ATP2C2: variants seen among roughly 807,000 people sequenced by gnomAD.
ATP2C2 encodes calcium-transporting ATPase type 2C member 2.
Under a neutral mutation model 110.8 loss-of-function variants are expected in ATP2C2, and 171 were observed. The ratio of observed to expected loss-of-function variants is 1.54; its 90% CI spans 1.36 to 1.75. ATP2C2 has a LOEUF of 1.75. Among genes scored for constraint, ATP2C2 ranks in the 40% most tolerant of loss-of-function variants. ATP2C2 has a pLI of 0.00. For synonymous variants in ATP2C2, 804 were observed against 508.4 expected, an observed-to-expected ratio of 1.58 and a Z score of -7.82; for missense variants, 1,963 against 1,235.0, an observed-to-expected ratio of 1.59 and a Z score of -8.84.
chr16:84,382,894 TAA>T (rs1170344466), intron 1 of ATP2C2, among the ~76,000 whole-genome samples: 40 of 91,740 alleles, frequency 4.4e-4, no homozygotes, highest in African/African-American at 1.1e-3. Context: ...AGACTCCATC[TAA>T]AAAAAAAAAA....
rs1910659110 is a variant in ATP2C2 at position 84,455,001 on chromosome 16, GTTGT to G, written c.2147+20_2147+23del. On this transcript the variant is annotated intron_variant, in intron 21 of 26. Coordinates refer to ENST00000262429, the MANE Select transcript of ATP2C2 (RefSeq NM_014861.4). ...AGCCATCATGTAAGCTGCCCTTCTG[GTTGT>G]TTTTCAGTTGCAAAAATGCCTGGGG... The G allele has an allele frequency of 6.2e-7, 1 of 1,608,920 alleles. No homozygotes were observed. Among genetic ancestry groups the G allele is most frequent in the Non-Finnish European group, 8.5e-7 (1 of 1,177,724 alleles).
chr16:84,454,779 C>A, intron 20 of ATP2C2, 39 bp from the exon 21 acceptor site: 2 of 1,532,610 alleles, frequency 1.3e-6, no homozygotes, highest in South Asian at 2.5e-5. Context: ...GGGAGGTGGT[C>A]GTCAGGCTGC....
chr16:84,458,704 C>T (rs1424360230), intron 21 of ATP2C2, among the ~76,000 whole-genome samples: 1 of 152,230 alleles, frequency 6.6e-6, no homozygotes, highest in Non-Finnish European at 1.5e-5. Context: ...CCCCATCCCT[C>T]CCTCCTTACC....
chr16:84,439,024 T>C (rs764072816), intron 11 of ATP2C2, 142 bp from the exon 12 acceptor site: 6 of 1,283,500 alleles, frequency 4.7e-6, no homozygotes, highest in Non-Finnish European at 6.4e-6. Flanking sequence ...AGGTGCACCT[T>C]AGGATTGGGA....
At position 84,425,868 on chromosome 16, in the gene ATP2C2, G is replaced by A. The variant is rs368633581; in HGVS notation, c.986+67G>A. The A allele has an allele frequency of 5.3e-5, 83 of 1,556,554 alleles. No individual in the cohort carries two copies. The East Asian group carries it at 8.8e-4, about 16-fold the overall frequency. ...AATGGGCTCTGAGCCCTTCCCTGCC[G>A]CAAGAGAAGGTGGGGAGGCTGCAGA... On this transcript the variant is annotated intron_variant, in intron 11 of 26. Transcript: ENST00000262429.
intron 7 of ATP2C2, among the ~76,000 whole-genome samples, chr16:84,416,701 C>T (rs142424367): frequency 4.2e-4 from 64 of 152,228 alleles, no homozygotes; most frequent in African/African-American, 1.1e-3. Context: ...AGGGAGGGTT[C>T]GCCCTCGGGC....
At chr16:84,428,005 T>C (rs1340382534) in intron 11 of ATP2C2, among the ~76,000 whole-genome samples, 1 of 152,220 alleles carries the variant, frequency 6.6e-6, no homozygotes, top group Admixed American at 6.5e-5. Context: ...ATGCTGTTAT[T>C]GAGAGGGTCC....
rs954649645 is a variant in ATP2C2, at chr16:84,461,231, G to A, written c.2481+430G>A. 6 of 255,238 alleles carry A rather than the reference G, an allele frequency of 2.4e-5. No homozygotes were observed. In the South Asian group the frequency reaches 2.6e-4, roughly 11 times the overall value. The allele number at this position is 255,238 out of a possible 1,614,324, so 15.8% of individuals were successfully genotyped here. A position where few individuals can be genotyped will look rare whatever the true frequency, so the allele number is the denominator to read the frequency against. ...GGTTCAGGGAGCTCTATGCCAGGAC[G>A]GGCCACGATCTAGGTGGGAAATGAG... On this transcript the variant is annotated intron_variant, in intron 24 of 26. Transcript: ENST00000262429.
chr16:84,390,326 C>G (rs1159613267), intron 1 of ATP2C2, among the ~76,000 whole-genome samples: 7 of 152,230 alleles, frequency 4.6e-5, no homozygotes, highest in Non-Finnish European at 1.0e-4. Flanking sequence ...CTCCAACTCA[C>G]CTTTCAGCAA....
chr16:84,389,005 C>T (rs1200456647), intron 1 of ATP2C2, among the ~76,000 whole-genome samples: 2 of 152,092 alleles, frequency 1.3e-5, no homozygotes, highest in Admixed American at 6.6e-5. Flanking sequence ...CTCTTGACCT[C>T]GTGATCCACC....
At position 84,461,729 on chromosome 16, in the gene ATP2C2, G is replaced by A. The variant is rs778558873; in HGVS notation, c.2497G>A (p.Ala833Thr). The A allele has an allele frequency of 1.2e-6, 2 of 1,614,170 alleles. No homozygotes were observed. Among genetic ancestry groups the A allele is most frequent in the East Asian group, 4.5e-5 (2 of 44,884 alleles). Residue 833 changes from alanine (A) to threonine (T), a missense_variant, in exon 25 of 27, where the codon GCA becomes ACA. By Grantham distance (58) the Ala-to-Thr change is moderately conservative (BLOSUM62 0). Coordinates refer to ENST00000262429, the MANE Select transcript of ATP2C2 (RefSeq NM_014861.4). ...CACCTTCCAGATGCCTGAAGACAGA[G>A]CAAGCACTCCCCGCACCACGACGAT... ...IFWKEMPEDR[A>T]STPRTTTMTF...
chr16:84,454,086 C>A (rs772841775), intron 20 of ATP2C2, among the ~76,000 whole-genome samples: 3 of 152,204 alleles, frequency 2.0e-5, no homozygotes, highest in African/African-American at 4.8e-5. Context: ...GGTGATCCGC[C>A]TATCTTCGCC....
At chr16:84,368,740 G>A (rs374485500) in intron 1 of ATP2C2, 26 bp downstream of exon 1, 3 of 1,483,714 alleles carry the variant, frequency 2.0e-6, no homozygotes, top group Non-Finnish European at 2.7e-6. Flanking sequence ...TCCGCGCCGG[G>A]CGTGCGACCC....
intron 11 of ATP2C2, among the ~76,000 whole-genome samples, chr16:84,436,912 G>C (rs967275271): frequency 1.3e-5 from 2 of 151,542 alleles, no homozygotes; most frequent in African/African-American, 4.9e-5. Context: ...ACAGGCATGC[G>C]CCACCACGCC....
chr16:84,400,418 C>T (rs1455430470), intron 2 of ATP2C2, among the ~76,000 whole-genome samples: 1 of 151,908 alleles, frequency 6.6e-6, no homozygotes, highest in African/African-American at 2.4e-5. Flanking sequence ...GCTCCGCCTC[C>T]TGGGTTCACG....
intron 14 of ATP2C2, among the ~76,000 whole-genome samples, chr16:84,441,842 G>A (rs1909285558): frequency 6.6e-6 from 1 of 152,124 alleles, no homozygotes; most frequent in African/African-American, 2.4e-5. Flanking sequence ...GAATTGCCTT[G>A]AACCAGGGAG....
In ATP2C2 at chr16:84,398,558, C is replaced by G. The variant is rs756377966; in HGVS notation, c.159C>G (p.Pro53=). 5 of 1,613,054 alleles carry G rather than the reference C, an allele frequency of 3.1e-6. No individual in the cohort carries two copies. The South Asian group carries it at 5.5e-5, about 18-fold the overall frequency. Residue 53 remains proline (P), a synonymous_variant, in exon 2 of 27, where the codon CCC becomes CCG. Transcript: ENST00000262429. ...AAGAGAAGAAGGTGACAGCCCTGCC[C>G]CCCAAGGAAGCGTGCAAATGCCAGA... The part of the protein sequence containing the change: ...IEKEKKVTAL[P]PKEACKCQKE...
chr16:84,414,463 GGT>G (rs113649917), intron 6 of ATP2C2, among the ~76,000 whole-genome samples: 1 of 152,004 alleles, frequency 6.6e-6, no homozygotes, highest in Non-Finnish European at 1.5e-5. Context: ...ATAGAAGAAG[GGT>G]GTGTGTGTGT....
At chr16:84,448,730 T>C (rs1376937893) in intron 17 of ATP2C2, 41 bp downstream of exon 17, 3 of 1,579,036 alleles carry the variant, frequency 1.9e-6, no homozygotes, top group Non-Finnish European at 2.6e-6. Context: ...TAAGCTTGCA[T>C]GTAACATTGA....
Sources: allele counts gnomAD v4.1 joint callset (sites outside exome capture counted in the v4.1 genomes callset), GRCh38; gene constraint gnomAD v4.1.1; transcripts MANE v1.5; gene names NCBI Gene and HGNC (gene_info 2026-07-23, HGNC 2026-07-21).